Variants in SPATS2 observed in about 807,000 individuals in gnomAD.
SPATS2 encodes spermatogenesis associated serine rich 2, also known as spermatogenesis-associated serine-rich protein 2.
Under a neutral mutation model 63.7 loss-of-function variants are expected in SPATS2, and 38 were observed. That is an observed-to-expected ratio of 0.60 (90% CI 0.46 to 0.78). The LOEUF (loss-of-function observed/expected upper bound fraction) is 0.78, where lower values mean the gene tolerates loss of function less well. SPATS2 is among the 30% of genes least tolerant of loss of function. The pLI is 0.00. For synonymous variants in SPATS2, 207 were observed against 232.9 expected, an observed-to-expected ratio of 0.89 and a Z score of 1.01; for missense variants, 588 against 666.2, an observed-to-expected ratio of 0.88 and a Z score of 1.29.
At chr12:49,503,497 AAGTT>A (rs1046547391) in intron 9 of SPATS2, among the ~76,000 whole-genome samples, 5 of 150,306 alleles carry the variant, frequency 3.3e-5, no homozygotes, top group Non-Finnish European at 5.9e-5. Context: ...AAAATACAAA[AAGTT>A]AGCCGGGCGT....
At chr12:49,379,693 G>A (rs1377842991) in intron 2 of SPATS2, among the ~76,000 whole-genome samples, 15 of 136,376 alleles carry the variant, frequency 1.1e-4, no homozygotes, top group Middle Eastern at 9.1e-3. Flanking sequence ...CATGATCTCC[G>A]CTCACTGCAA....
rs548510174 is a variant in SPATS2 at position 49,511,674 on chromosome 12, C to T, written c.840-2881C>T. 2.6e-5 allele frequency among the ~76,000 whole-genome samples: 4 copies of T among 152,178 alleles called. No homozygotes were observed. In the South Asian group the frequency reaches 8.3e-4, roughly 32 times the overall value. On this transcript the variant is annotated intron_variant, in intron 9 of 13. Transcript: ENST00000552918. ...CCACAGGTACTTTTGAACCTCTTGGCCACACATACATACTGGAACCATTGT... is the reference window on the plus strand; with the variant it reads ...CCACAGGTACTTTTGAACCTCTTGGTCACACATACATACTGGAACCATTGT...
chr12:49,416,020 CT>C (rs774706596), intron 2 of SPATS2, among the ~76,000 whole-genome samples: 2,916 of 137,102 alleles, frequency 0.021, 49 homozygotes, highest in African/African-American at 0.057. Context: ...AAACATTTTA[CT>C]TTTTTTTTTT....
chr12:49,408,558 T>C (rs1204317534), intron 2 of SPATS2, among the ~76,000 whole-genome samples: 2 of 143,404 alleles, frequency 1.4e-5, no homozygotes, highest in Non-Finnish European at 3.1e-5. Context: ...TGGCCTTTTT[T>C]TTTTTTTTTT....
At chr12:49,454,967 A>G (rs1457969121) in intron 2 of SPATS2, among the ~76,000 whole-genome samples, 1 of 151,686 alleles carries the variant, frequency 6.6e-6, no homozygotes, top group Non-Finnish European at 1.5e-5. Flanking sequence ...AGCCTTTCAT[A>G]TCTCAGCACC....
intron 2 of SPATS2, among the ~76,000 whole-genome samples, chr12:49,438,440 G>A (rs1223480897): frequency 1.3e-5 from 2 of 152,298 alleles, no homozygotes; most frequent in African/African-American, 4.8e-5. Flanking sequence ...TCTTTTGGGT[G>A]TATGTCTAGG....
chr12:49,480,435 A>C (rs1946186253), intron 3 of SPATS2, among the ~76,000 whole-genome samples: 1 of 152,226 alleles, frequency 6.6e-6, no homozygotes, highest in African/African-American at 2.4e-5. Flanking sequence ...TTGTACAGTT[A>C]GATAAATTAA....
chr12:49,511,416 C>T (rs1386703331), intron 9 of SPATS2, among the ~76,000 whole-genome samples: 2 of 151,934 alleles, frequency 1.3e-5, no homozygotes, highest in African/African-American at 4.8e-5. Context: ...AGTGTTGTTC[C>T]AAACAGGTTC....
chr12:49,493,844 T>C (rs1265787445), intron 6 of SPATS2, among the ~76,000 whole-genome samples: 1 of 152,246 alleles, frequency 6.6e-6, no homozygotes, highest in Non-Finnish European at 1.5e-5. Flanking sequence ...TTCTCCTCTT[T>C]GCCTGCTTCC....
chr12:49,372,922 C>T (rs1228409973), intron 2 of SPATS2, among the ~76,000 whole-genome samples: 1 of 147,526 alleles, frequency 6.8e-6, no homozygotes, highest in Admixed American at 6.8e-5. Context: ...AGCCTAGCCT[C>T]TCATTTGATT....
intron 2 of SPATS2, among the ~76,000 whole-genome samples, chr12:49,372,078 T>C (rs1944008267): frequency 6.6e-6 from 1 of 151,956 alleles, no homozygotes; most frequent in South Asian, 2.1e-4. Context: ...GACAGTCTTG[T>C]TCTGTCGCCC....
At chr12:49,506,562 C>T (rs1162723328) in intron 9 of SPATS2, among the ~76,000 whole-genome samples, 1 of 152,128 alleles carries the variant, frequency 6.6e-6, no homozygotes, top group Non-Finnish European at 1.5e-5. Flanking sequence ...GCGATTATTA[C>T]AGTTGAAGGT....
At chr12:49,436,026 T>G (rs1270152292) in intron 2 of SPATS2, among the ~76,000 whole-genome samples, 1 of 150,902 alleles carries the variant, frequency 6.6e-6, no homozygotes, top group Non-Finnish European at 1.5e-5. Flanking sequence ...AAATGAAAAG[T>G]CTCCCATGTC....
chr12:49,464,398 T>A (rs1383969545), intron 3 of SPATS2, among the ~76,000 whole-genome samples: 1 of 149,504 alleles, frequency 6.7e-6, no homozygotes, highest in East Asian at 2.0e-4. Flanking sequence ...GGTGGGCAGA[T>A]CATCTGAGGT....
Position 49,467,061 on chromosome 12 carries a change from T to G in SPATS2, c.25+6024T>G, listed in dbSNP as rs1412809726. 2.8e-5 allele frequency among the ~76,000 whole-genome samples: 4 copies of G among 140,414 alleles called. No individual in the cohort carries two copies. In the East Asian group the frequency reaches 8.0e-4, roughly 28 times the overall value. 92.1% of individuals were successfully genotyped at this position (140,414 alleles called of 152,430 possible). A position where few individuals can be genotyped will look rare whatever the true frequency, so the allele number is the denominator to read the frequency against. ...TGTTCTTTGTTTTTTTTTTTTTTTT[T>G]TTTTTTTTTGATGGAGTCTCACTGT... On this transcript the variant is annotated intron_variant, in intron 3 of 13. Transcript: ENST00000552918.
intron 2 of SPATS2, among the ~76,000 whole-genome samples, chr12:49,391,711 CAA>C (rs1436566412): frequency 3.3e-5 from 5 of 151,988 alleles, no homozygotes; most frequent in Non-Finnish European, 5.9e-5. Flanking sequence ...ATATTAAAGA[CAA>C]ATAGAAAATT....
chr12:49,516,105 A>C (rs1341788252), intron 10 of SPATS2, among the ~76,000 whole-genome samples: 1 of 127,830 alleles, frequency 7.8e-6, no homozygotes, highest in Non-Finnish European at 1.6e-5. Flanking sequence ...GCGCCACTGC[A>C]CTCCAGCCTG....
chr12:49,469,389 C>CAAAAAAAA (rs779364300), intron 3 of SPATS2: 2 of 69,196 alleles, frequency 2.9e-5, no homozygotes, highest in Middle Eastern at 6.2e-3. Flanking sequence ...GACTCTGTCT[C>CAAAAAAAA]AAAAAAAAAA....
intron 4 of SPATS2, among the ~76,000 whole-genome samples, chr12:49,486,954 C>A (rs1000410704): frequency 7.9e-5 from 12 of 151,924 alleles, no homozygotes; most frequent in African/African-American, 2.2e-4. Flanking sequence ...ATTAAAAGAT[C>A]TTTTCTCATC....
Sources: allele counts gnomAD v4.1 joint callset (sites outside exome capture counted in the v4.1 genomes callset), GRCh38; gene constraint gnomAD v4.1.1; transcripts MANE v1.5; gene names NCBI Gene and HGNC (gene_info 2026-07-23, HGNC 2026-07-21).